KPNA6: variants seen among roughly 807,000 people sequenced by gnomAD.
KPNA6 encodes the protein importin subunit alpha-7.
KPNA6 carries 9 observed loss-of-function variants against 72.0 expected under a neutral mutation model. That is an observed-to-expected ratio of 0.13 (90% confidence interval 0.08 to 0.22). The LOEUF (loss-of-function observed/expected upper bound fraction) is 0.22, where lower values mean the gene tolerates loss of function less well. Among genes scored for constraint, KPNA6 ranks in the 10% least tolerant of loss-of-function variants. The pLI, the probability that KPNA6 is intolerant of heterozygous loss-of-function variation, is 1.00. For synonymous variants in KPNA6, 219 were observed against 242.1 expected (o/e 0.90, Z 0.89); for missense variants, 374 against 655.7 (o/e 0.57, Z 4.69).
chr1:32,109,899 T>G (rs937445952), intron 1 of KPNA6, among the ~76,000 whole-genome samples: 26 of 151,580 alleles, frequency 1.7e-4, no homozygotes, highest in Non-Finnish European at 3.7e-4. Context: ...CTCGTGATCC[T>G]CCCGCCTCGC....
intron 1 of KPNA6, among the ~76,000 whole-genome samples, chr1:32,120,554 TTTTTTTAATTAATTAATTAATTA>T (rs1273583769): frequency 6.6e-6 from 1 of 151,384 alleles, no homozygotes; most frequent in Non-Finnish European, 1.5e-5. Flanking sequence ...AGCCAATTAA[TTTTTTTAATTAATTAATTAATTA>T]TTTTTTTGAG....
intron 4 of KPNA6, 97 bp from the exon 5 acceptor site, chr1:32,158,170 T>C (rs2124069900): frequency 1.4e-6 from 1 of 709,736 alleles, no homozygotes; most frequent in Non-Finnish European, 2.5e-6. Flanking sequence ...TTTGTAAGGG[T>C]GGTCAGAAGT....
intron 1 of KPNA6, among the ~76,000 whole-genome samples, chr1:32,138,162 C>T (rs1641771871): frequency 6.6e-6 from 1 of 150,616 alleles, no homozygotes; most frequent in Admixed American, 6.6e-5. Context: ...GGGAAGATAG[C>T]AGAAACTGGT....
chr1:32,143,013 G>A, intron 1 of KPNA6: 1 of 1,289,168 alleles, frequency 7.8e-7, no homozygotes, highest in Non-Finnish European at 1.0e-6. Context: ...GTCATGAAAA[G>A]CTATGTGTCA....
intron 1 of KPNA6, among the ~76,000 whole-genome samples, chr1:32,131,791 A>G (rs1490340135): frequency 6.6e-6 from 1 of 151,590 alleles, no homozygotes; most frequent in East Asian, 1.9e-4. Context: ...AGGACAAGTC[A>G]GGCAGATTGC....
chr1:32,167,867 A>C (rs913667280), intron 12 of KPNA6, among the ~76,000 whole-genome samples: 5 of 151,548 alleles, frequency 3.3e-5, no homozygotes, highest in Admixed American at 2.0e-4. Flanking sequence ...AAAAAAAAAA[A>C]ACAAAAAAAA....
chr1:32,170,204 A>C (rs1254673541), intron 13 of KPNA6, 144 bp downstream of exon 13: 3 of 699,748 alleles, frequency 4.3e-6, no homozygotes, highest in Non-Finnish European at 4.6e-6. Flanking sequence ...AGAACAGTTA[A>C]GAGCTCCTGC....
rs1457772723 is a variant in KPNA6, at chr1:32,172,400, C to T, written c.*1506C>T. ...ATCAGGAAACTCAGAAGCAGTTTGC[C>T]TTGTCAAATTCAATCTCAATGGCCA... On this transcript the variant is annotated 3_prime_UTR_variant, in exon 14 of 14. Transcript: ENST00000373625. 1 of 151,964 alleles carries T rather than the reference C, an allele frequency of 6.6e-6. No homozygotes were observed. The highest frequency in any genetic ancestry group is 2.4e-5 in the African/African-American group (1 of 41,346). The allele number at this position is 151,964 out of a possible 1,614,324, so 9.4% of individuals were successfully genotyped here.
At chr1:32,147,035 T>A (rs1641941468) in intron 1 of KPNA6, among the ~76,000 whole-genome samples, 2 of 151,988 alleles carry the variant, frequency 1.3e-5, no homozygotes, top group African/African-American at 4.8e-5. Flanking sequence ...TTTATATATT[T>A]TTTTGCAGAG....
chr1:32,147,144 A>G (rs1050189396), intron 1 of KPNA6, among the ~76,000 whole-genome samples: 1 of 152,028 alleles, frequency 6.6e-6, no homozygotes, highest in African/African-American at 2.4e-5. Flanking sequence ...CCCAGCCAGC[A>G]TTTCTTGCAG....
chr1:32,154,826 AG>A (rs1338753809), intron 2 of KPNA6, 105 bp downstream of exon 2: 2 of 1,237,036 alleles, frequency 1.6e-6, no homozygotes, highest in African/African-American at 3.0e-5. Flanking sequence ...GTAGCTTACT[AG>A]GTGGGCATGG....
At chr1:32,122,812 C>G (rs1054232946) in intron 1 of KPNA6, among the ~76,000 whole-genome samples, 1 of 151,900 alleles carries the variant, frequency 6.6e-6, no homozygotes, top group African/African-American at 2.4e-5. Context: ...AAAAAATTAG[C>G]TGGGTGTGGT....
At chr1:32,169,799 G>C in intron 12 of KPNA6, 83 bp from the exon 13 acceptor site, 6 of 1,199,148 alleles carry the variant, frequency 5.0e-6, no homozygotes, top group Non-Finnish European at 7.1e-6. Flanking sequence ...TAGTAAGAGT[G>C]GGTTGCTGAG....
Position 32,171,117 on chromosome 1 carries a change from G to A in KPNA6, c.*223G>A. 2 of 549,452 alleles carry A rather than the reference G, an allele frequency of 3.6e-6. No homozygotes were observed. The highest frequency in any genetic ancestry group is 6.5e-6 in the Non-Finnish European group (2 of 307,444). The allele number at this position is 549,452 out of a possible 1,614,324, so 34.0% of individuals were successfully genotyped here. On this transcript the variant is annotated 3_prime_UTR_variant, in exon 14 of 14. Transcript: ENST00000373625. The stretch of plus-strand genomic sequence containing the variant: ...CCTTTGGGTTTTGTGACAAGAAGGG[G>A]ACGTGTTGGGTTTTTCTTCCTTACA...
rs191300202 is a variant in KPNA6, at chr1:32,163,133, G to T, written c.912-102G>T. The T allele has an allele frequency of 5.8e-4, 430 of 740,056 alleles. 3 individuals are homozygous for T. The East Asian group carries it at 0.011, about 18-fold the overall frequency. The allele number at this position is 740,056 out of a possible 1,614,324, so 45.8% of individuals were successfully genotyped here. On this transcript the variant is annotated intron_variant, in intron 9 of 13. Coordinates refer to ENST00000373625, the MANE Select transcript of KPNA6 (RefSeq NM_012316.5). ...AAAAAAGAAAAAAGAAAAAAAAAGG[G>T]TACAGGTTCCTTAAGCTTCTCCAGG... is the stretch of plus-strand genomic sequence containing the variant.
At chr1:32,147,622 C>T (rs1326557013) in intron 1 of KPNA6, among the ~76,000 whole-genome samples, 2 of 146,062 alleles carry the variant, frequency 1.4e-5, no homozygotes, top group Non-Finnish European at 3.0e-5. Context: ...TCTTATTCTA[C>T]TGCCTTCTGA....
intron 1 of KPNA6, among the ~76,000 whole-genome samples, chr1:32,135,753 C>G (rs1641723555): frequency 6.6e-6 from 1 of 151,346 alleles, no homozygotes; most frequent in African/African-American, 2.4e-5. Flanking sequence ...CAGGCATTAG[C>G]TGCCATGCCT....
At chr1:32,160,033 T>G (rs1415715979) in intron 6 of KPNA6, among the ~76,000 whole-genome samples, 1 of 152,190 alleles carries the variant, frequency 6.6e-6, no homozygotes, top group Non-Finnish European at 1.5e-5. Flanking sequence ...GCGCGGTGGC[T>G]CACGCCTATA....
chr1:32,137,092 C>T (rs1055901391), intron 1 of KPNA6, among the ~76,000 whole-genome samples: 1 of 152,154 alleles, frequency 6.6e-6, no homozygotes, highest in Non-Finnish European at 1.5e-5. Context: ...TTTTGGATGA[C>T]GGGTAGCTGA....
Sources: gnomAD v4.1 joint callset for allele counts (sites outside exome capture counted in the v4.1 genomes callset) on GRCh38, gnomAD v4.1.1 for gene constraint, MANE v1.5 for transcripts, NCBI Gene and HGNC (gene_info 2026-07-23, HGNC 2026-07-21) for gene names.